Variants in SYBU observed in about 807,000 individuals in gnomAD.
SYBU encodes the protein syntabulin, also known as GOLSYN A protein.
Under a neutral mutation model 35.9 loss-of-function variants are expected in SYBU, and 21 were observed. The ratio of observed to expected loss-of-function variants is 0.58; its 90% CI spans 0.41 to 0.84. The LOEUF is 0.84. SYBU is among the 40% of genes least tolerant of loss of function. SYBU has a pLI of 0.00. For missense variants in SYBU, 768 were observed against 848.2 expected, an observed-to-expected ratio of 0.91 and a Z score of 1.17; for synonymous variants, 319 against 324.3, an observed-to-expected ratio of 0.98 and a Z score of 0.18.
In SYBU at chr8:109,691,391, C is replaced by A. The variant is rs988562878; in HGVS notation, c.-116G>T. The A allele has an allele frequency of 5.8e-6, 4 of 692,450 alleles. No homozygotes were observed. In the Admixed American group the frequency reaches 8.1e-5, roughly 14 times the overall value. 42.9% of individuals were successfully genotyped at this position (692,450 alleles called of 1,614,324 possible). ...CCAGGAGGAGGCACCTACGTGCGCC[C>A]GGGAGACCGGGCCCCGGCTGGGCCG... On this transcript the variant is annotated 5_prime_UTR_variant, in exon 1 of 8. Coordinates refer to the SYBU transcript ENST00000422135. The surrounding 1 kb of genome is among the most constrained non-coding windows in gnomAD (Gnocchi z 4.7).
chr8:109,628,199 A>C (rs967057342), intron 2 of SYBU, among the ~76,000 whole-genome samples: 1 of 152,218 alleles, frequency 6.6e-6, no homozygotes, highest in Non-Finnish European at 1.5e-5. Context: ...TAATAAGTTA[A>C]AAAATACATA....
upstream of SYBU, chr8:109,645,632 T>TG: frequency 3.6e-6 from 1 of 279,390 alleles, no homozygotes; most frequent in Admixed American, 4.4e-5. Flanking sequence ...TTTCGTTTTT[T>TG]GTTTTTTTTT....
chr8:109,591,001 C>T (rs1479819220), intron 3 of SYBU, among the ~76,000 whole-genome samples: 1 of 152,150 alleles, frequency 6.6e-6, no homozygotes, highest in African/African-American at 2.4e-5. Context: ...AATTATGCTA[C>T]ATGCATAAAA....
At chr8:109,670,532 C>T (rs1816941175) in intron 1 of SYBU, among the ~76,000 whole-genome samples, 1 of 151,844 alleles carries the variant, frequency 6.6e-6, no homozygotes, top group Non-Finnish European at 1.5e-5. Context: ...TTTCTAAATA[C>T]CTCCTGACCT....
upstream of SYBU, among the ~76,000 whole-genome samples, chr8:109,684,129 G>C (rs891199809): frequency 1.3e-5 from 2 of 152,122 alleles, no homozygotes; most frequent in Admixed American, 1.3e-4. Context: ...GATTGTCTTT[G>C]GTGTTTTCCA....
intron 2 of SYBU, among the ~76,000 whole-genome samples, chr8:109,622,181 GTATCTATCTATC>G (rs33965004): frequency 0.027 from 4,014 of 146,454 alleles, 186 homozygotes; most frequent in African/African-American, 0.093. Flanking sequence ...AATAATATGA[GTATCTATCTATC>G]TATCTATCTA....
At chr8:109,663,569 C>A (rs1194366517) in intron 1 of SYBU, among the ~76,000 whole-genome samples, 2 of 152,106 alleles carry the variant, frequency 1.3e-5, no homozygotes, top group Non-Finnish European at 2.9e-5. Context: ...TAACATACAA[C>A]CATGCCAATA....
At chr8:109,581,981 T>G (rs375425748) in intron 4 of SYBU, among the ~76,000 whole-genome samples, 2 of 152,344 alleles carry the variant, frequency 1.3e-5, no homozygotes, top group South Asian at 2.1e-4. Context: ...TAGAAAGAAC[T>G]TCATGAGTAG....
chr8:109,594,673 CAG>C (rs1563697853), intron 3 of SYBU, among the ~76,000 whole-genome samples: 1 of 152,098 alleles, frequency 6.6e-6, no homozygotes, highest in African/African-American at 2.4e-5. Context: ...CAGTGGCACT[CAG>C]AGTGTCAGGA....
chr8:109,585,831 T>G (rs1823551354), intron 4 of SYBU: 2 of 532,552 alleles, frequency 3.8e-6, no homozygotes, highest in South Asian at 2.2e-5. Flanking sequence ...GAGTCAAGGG[T>G]TGGATGGGAG....
At chr8:109,690,224 A>G (rs1333642245) in intron 1 of SYBU, among the ~76,000 whole-genome samples, 1 of 152,206 alleles carries the variant, frequency 6.6e-6, no homozygotes, top group East Asian at 1.9e-4. Flanking sequence ...ATATAAAAAA[A>G]AATGATTTCA....
intron 1 of SYBU, among the ~76,000 whole-genome samples, chr8:109,662,415 T>C (rs1816596088): frequency 1.3e-5 from 2 of 152,208 alleles, no homozygotes; most frequent in African/African-American, 2.4e-5. Context: ...TTTTACCTGC[T>C]GTTTCCAGTA....
At chr8:109,615,419 G>T (rs991088102) in intron 3 of SYBU, among the ~76,000 whole-genome samples, 7 of 152,070 alleles carry the variant, frequency 4.6e-5, no homozygotes, top group Admixed American at 4.6e-4. Context: ...TCATCCAGGG[G>T]CCTCGCTTCC....
At chr8:109,631,333 G>C (rs887231914) in intron 2 of SYBU, among the ~76,000 whole-genome samples, 1 of 152,176 alleles carries the variant, frequency 6.6e-6, no homozygotes, top group Non-Finnish European at 1.5e-5. Context: ...AAGCAAAGTG[G>C]AGAGTGGAGT....
upstream of SYBU, among the ~76,000 whole-genome samples, chr8:109,682,243 G>C (rs1166736905): frequency 6.6e-6 from 1 of 152,192 alleles, no homozygotes; most frequent in Admixed American, 6.6e-5. Context: ...GAAGAAGACA[G>C]GAAAATGTGG....
chr8:109,685,100 C>T (rs1295286404), upstream of SYBU, among the ~76,000 whole-genome samples: 2 of 152,152 alleles, frequency 1.3e-5, no homozygotes, highest in Admixed American at 1.3e-4. Flanking sequence ...TTCTGAATTT[C>T]TAATTACCGA....
At chr8:109,611,100 T>C (rs1022619233) in intron 3 of SYBU, among the ~76,000 whole-genome samples, 2 of 152,232 alleles carry the variant, frequency 1.3e-5, no homozygotes, top group African/African-American at 2.4e-5. Flanking sequence ...ATTTCTGTTA[T>C]GCTGACAGTT....
chr8:109,689,231 G>A (rs899200317), intron 1 of SYBU, among the ~76,000 whole-genome samples: 2 of 152,002 alleles, frequency 1.3e-5, no homozygotes, highest in Non-Finnish European at 2.9e-5. Context: ...CTTCCCCAAC[G>A]GTTATATCAT....
At chr8:109,687,941 C>G (rs1817558161) in intron 1 of SYBU, among the ~76,000 whole-genome samples, 1 of 152,052 alleles carries the variant, frequency 6.6e-6, no homozygotes, top group Non-Finnish European at 1.5e-5. Flanking sequence ...TTCACAAGAC[C>G]ATATAGGAAA....
Sources: gnomAD v4.1 joint callset for allele counts (sites outside exome capture counted in the v4.1 genomes callset) on GRCh38, gnomAD v4.1.1 for gene constraint, Gnocchi (gnomAD v3.1) non-coding constraint, MANE v1.5 for transcripts, NCBI Gene and HGNC (gene_info 2026-07-23, HGNC 2026-07-21) for gene names.